SLC35F4: variants seen among roughly 807,000 people sequenced by gnomAD.
SLC35F4 encodes solute carrier family 35 member F4.
SLC35F4 carries 24 observed loss-of-function variants against 44.2 expected under a neutral mutation model. The observed-to-expected ratio is 0.54, with a 90% CI of 0.39 to 0.76. SLC35F4 has a LOEUF of 0.76. Ranked by LOEUF, SLC35F4 falls within the 30% of genes least tolerant of loss-of-function variation. The probability of loss-of-function intolerance (pLI) is 0.00; values close to 1 mark genes in which losing one functional copy is unlikely to be tolerated. For missense variants in SLC35F4, 562 were observed against 586.1 expected (o/e 0.96, Z 0.42); for synonymous variants, 238 against 223.6 (o/e 1.06, Z -0.57).
At chr14:57,814,844 C>A (rs1423478124) in intron 1 of SLC35F4, among the ~76,000 whole-genome samples, 2 of 152,078 alleles carry the variant, frequency 1.3e-5, no homozygotes, top group African/African-American at 4.8e-5. Context: ...TCATGGAACC[C>A]TTAGAGATGC....
At chr14:57,751,421 T>C (rs2076881702) in intron 1 of SLC35F4, among the ~76,000 whole-genome samples, 1 of 152,214 alleles carries the variant, frequency 6.6e-6, no homozygotes, top group Non-Finnish European at 1.5e-5. Context: ...AGGCTAAAGC[T>C]CACTTAGAGA....
chr14:57,755,846 A>G (rs1271935412), intron 1 of SLC35F4, among the ~76,000 whole-genome samples: 1 of 152,198 alleles, frequency 6.6e-6, no homozygotes, highest in Non-Finnish European at 1.5e-5. Flanking sequence ...ATGCTACATG[A>G]CGTGTCTAAG....
intron 1 of SLC35F4, among the ~76,000 whole-genome samples, chr14:57,977,985 G>A (rs1444079068): frequency 6.6e-6 from 1 of 152,136 alleles, no homozygotes; most frequent in Non-Finnish European, 1.5e-5. Context: ...ATTCAGGGAG[G>A]AGCAAAAATG....
At chr14:57,882,655 T>C (rs2141033594) in intron 1 of SLC35F4, among the ~76,000 whole-genome samples, 1 of 152,288 alleles carries the variant, frequency 6.6e-6, no homozygotes, top group East Asian at 1.9e-4. Flanking sequence ...CCACAAATCA[T>C]AGCTTTCCAG....
chr14:57,702,779 G>A (rs1332991459), intron 1 of SLC35F4, among the ~76,000 whole-genome samples: 4 of 152,162 alleles, frequency 2.6e-5, no homozygotes, highest in East Asian at 3.9e-4. Flanking sequence ...TGTTCCTTCC[G>A]TGAGCTGATT....
rs1405816415 is a variant in SLC35F4 at position 57,897,770 on chromosome 14, TA to T, written n.282+84142del. On this transcript the variant is annotated intron_variant and non_coding_transcript_variant, in intron 1 of 1. Transcript: ENST00000556568. ...CCACAAATTATCTCCAGAGAGCAGT[TA>T]CCCAGAGCATCACTGCCTTGCTTCT... Among the ~76,000 whole-genome samples the T allele has an allele frequency of 1.4e-4, 22 of 152,336 alleles. 1 individual carries two copies. In the East Asian group the frequency reaches 3.5e-3, roughly 24 times the overall value.
intron 1 of SLC35F4, among the ~76,000 whole-genome samples, chr14:57,765,782 T>C (rs2077220872): frequency 6.6e-6 from 1 of 152,184 alleles, no homozygotes; most frequent in African/African-American, 2.4e-5. Flanking sequence ...ATGAAATTAA[T>C]ATGGGCTATA....
upstream of SLC35F4, among the ~76,000 whole-genome samples, chr14:57,867,326 A>G (rs1282580299): frequency 2.6e-5 from 4 of 152,216 alleles, no homozygotes; most frequent in Non-Finnish European, 5.9e-5. Flanking sequence ...TAAGCATATG[A>G]AAACGCAATA....
chr14:57,596,685 A>C, intron 1 of SLC35F4: 1 of 833,066 alleles, frequency 1.2e-6, no homozygotes, highest in Non-Finnish European at 1.9e-6. Flanking sequence ...GTCCATAGTT[A>C]CCTAAAAAGT....
intron 1 of SLC35F4, among the ~76,000 whole-genome samples, chr14:57,785,413 A>G (rs571690948): frequency 2.0e-5 from 3 of 152,214 alleles, no homozygotes; most frequent in South Asian, 4.1e-4. Context: ...ACTTTTAAAA[A>G]GCACTCAGTA....
At chr14:57,944,405 G>A (rs962114550) in intron 1 of SLC35F4, among the ~76,000 whole-genome samples, 2 of 152,102 alleles carry the variant, frequency 1.3e-5, no homozygotes, top group Admixed American at 1.3e-4. Context: ...TGATGAATAT[G>A]CTTTTACAGA....
intron 1 of SLC35F4, among the ~76,000 whole-genome samples, chr14:57,946,455 T>C (rs1274881959): frequency 1.4e-5 from 2 of 138,194 alleles, no homozygotes; most frequent in Non-Finnish European, 3.0e-5. Context: ...CTTTGTTTTG[T>C]TTTGTTTTCT....
chr14:57,758,178 C>A (rs1038439508), intron 1 of SLC35F4, among the ~76,000 whole-genome samples: 1 of 151,960 alleles, frequency 6.6e-6, no homozygotes, highest in African/African-American at 2.4e-5. Context: ...TAGATTTTCT[C>A]TTTATCAATG....
At chr14:57,604,101 G>C (rs907936507) in intron 1 of SLC35F4, 5 of 152,156 alleles carry the variant, frequency 3.3e-5, no homozygotes, top group East Asian at 3.9e-4. Context: ...AAGTTTTCTC[G>C]TGTAAGAGAG....
At chr14:57,648,218 C>G (rs1447396270) in intron 1 of SLC35F4, among the ~76,000 whole-genome samples, 2 of 152,106 alleles carry the variant, frequency 1.3e-5, no homozygotes, top group East Asian at 3.9e-4. Flanking sequence ...CATCATCATT[C>G]TTGATGGCAC....
chr14:57,890,524 C>A (rs1022849421), intron 1 of SLC35F4, among the ~76,000 whole-genome samples: 7 of 148,760 alleles, frequency 4.7e-5, no homozygotes, highest in African/African-American at 1.0e-4. Context: ...AATTTCTTAC[C>A]CTTTCTTTAT....
chr14:57,876,692 A>C (rs1432727153), intron 1 of SLC35F4, among the ~76,000 whole-genome samples: 1 of 152,220 alleles, frequency 6.6e-6, no homozygotes, highest in African/African-American at 2.4e-5. Flanking sequence ...TTGCTTAATA[A>C]GTGAAGAAAA....
At chr14:57,801,419 A>G (rs935079791) in intron 1 of SLC35F4, among the ~76,000 whole-genome samples, 2 of 152,228 alleles carry the variant, frequency 1.3e-5, no homozygotes, top group African/African-American at 4.8e-5. Context: ...AATACACTGA[A>G]GCACACAGAC....
intron 1 of SLC35F4, among the ~76,000 whole-genome samples, chr14:57,720,308 C>T (rs1321302591): frequency 6.6e-6 from 1 of 151,902 alleles, no homozygotes; most frequent in Non-Finnish European, 1.5e-5. Flanking sequence ...TTTAACGTGC[C>T]TTTGTCTGAT....
Sources: gnomAD v4.1 joint callset for allele counts (sites outside exome capture counted in the v4.1 genomes callset) on GRCh38, gnomAD v4.1.1 for gene constraint, MANE v1.5 for transcripts, NCBI Gene and HGNC (gene_info 2026-07-23, HGNC 2026-07-21) for gene names.